Variants in CUL3 observed in about 807,000 individuals in gnomAD.
The protein encoded by CUL3 is cullin 3.
CUL3 carries 19 observed loss-of-function variants against 89.1 expected under a neutral mutation model. The ratio of observed to expected loss-of-function variants is 0.21; its 90% confidence interval spans 0.15 to 0.31. The LOEUF (loss-of-function observed/expected upper bound fraction) is 0.31, where lower values mean the gene tolerates loss of function less well. Ranked by LOEUF, CUL3 falls within the 10% of genes least tolerant of loss-of-function variation. The probability of loss-of-function intolerance (pLI) is 1.00; values close to 1 mark genes in which losing one functional copy is unlikely to be tolerated. For missense variants in CUL3, 469 were observed against 942.3 expected, an observed-to-expected ratio of 0.50 and a Z score of 6.58; for synonymous variants, 351 against 308.4, an observed-to-expected ratio of 1.14 and a Z score of -1.45.
At chr2:224,578,386 A>C (rs1397666723) in intron 1 of CUL3, among the ~76,000 whole-genome samples, 1 of 152,186 alleles carries the variant, frequency 6.6e-6, no homozygotes, top group Non-Finnish European at 1.5e-5. Context: ...CTGTCTGTTC[A>C]GCCAACAATA....
At chr2:224,584,919 T>C (rs2106331208) in intron 1 of CUL3, 25 bp downstream of exon 1, 2 of 1,450,896 alleles carry the variant, frequency 1.4e-6, no homozygotes, top group Non-Finnish European at 1.8e-6. Flanking sequence ...GGCCCCGGGG[T>C]CCCGGACGCC....
At chr2:224,559,027 G>A (rs1694820323) in intron 1 of CUL3, among the ~76,000 whole-genome samples, 1 of 151,818 alleles carries the variant, frequency 6.6e-6, no homozygotes, top group Non-Finnish European at 1.5e-5. Flanking sequence ...CTGCACTCCA[G>A]CCTGGGCAAC....
At chr2:224,533,177 A>C (rs1693757046) in intron 3 of CUL3, 1 of 152,252 alleles carries the variant, frequency 6.6e-6, no homozygotes, top group South Asian at 2.1e-4. Context: ...CAGTGGCATC[A>C]ATCTACCCTG....
At position 224,506,079 on chromosome 2, in the gene CUL3, G is replaced by C; in HGVS notation, c.1083C>G (p.Asn361Lys). ...TAGTTTGTTTAAAGAGACGGTCATTGTTGAATGATTCCAGGAGGAAGCGAT... is the reference window on the plus strand; with the variant it reads ...TAGTTTGTTTAAAGAGACGGTCATTCTTGAATGATTCCAGGAGGAAGCGAT... ...RFDRFLLESF[N>K]NDRLFKQTIA... Residue 361 changes from asparagine (N) to lysine (K), a missense_variant, in exon 8 of 16, where the codon AAC becomes AAG. Asn to Lys is a moderately conservative substitution (Grantham distance 94, BLOSUM62 0). Around this residue, in one of 4 missense-constraint regions of CUL3, gnomAD observed 370 missense variants for 733.2 expected, o/e 0.50. Transcript: ENST00000264414. The C allele has an allele frequency of 2.5e-6, 4 of 1,612,578 alleles. No homozygotes were observed. The highest frequency in any genetic ancestry group is 3.4e-6 in the Non-Finnish European group (4 of 1,179,184).
At chr2:224,517,492 G>A (rs1244946648) in intron 3 of CUL3, among the ~76,000 whole-genome samples, 2 of 152,112 alleles carry the variant, frequency 1.3e-5, no homozygotes, top group East Asian at 1.9e-4. Flanking sequence ...GGCCAATATG[G>A]TGAAACCCTG....
chr2:224,478,200 C>T lies in CUL3; in HGVS notation c.2175G>A (p.Glu725=), dbSNP rs1223201430. ...KKMQHNVLVA[E]VTQQLKARFL... ...TAGCCCAGTAGTGAAGAGTCCTCAC[C>T]TCCGCTACTAGAACATTGTGCTGCA... Residue 725 remains glutamate (E), a splice_region_variant and synonymous_variant, in exon 15 of 16, where the codon GAG becomes GAA. Transcript: ENST00000264414. 24 of 1,610,268 alleles carry T rather than the reference C, an allele frequency of 1.5e-5. No homozygotes were observed. The highest frequency in any genetic ancestry group is 4.0e-5 in the African/African-American group (3 of 74,962).
At chr2:224,488,814 G>T (rs905104234) in intron 13 of CUL3, among the ~76,000 whole-genome samples, 3 of 152,152 alleles carry the variant, frequency 2.0e-5, no homozygotes, top group Non-Finnish European at 2.9e-5. Context: ...AACAAAAAAA[G>T]AAAATTTCAG....
intron 15 of CUL3, 148 bp downstream of exon 15, chr2:224,478,052 T>A: frequency 1.5e-6 from 1 of 679,308 alleles, no homozygotes; most frequent in Middle Eastern, 4.0e-4. Context: ...CCATGTTTAG[T>A]TACCAAGTGA....
intron 14 of CUL3, among the ~76,000 whole-genome samples, chr2:224,480,601 A>G (rs1691503746): frequency 6.6e-6 from 1 of 152,194 alleles, no homozygotes; most frequent in South Asian, 2.1e-4. Context: ...CATAATACTA[A>G]TATCTGATAT....
intron 10 of CUL3, among the ~76,000 whole-genome samples, chr2:224,501,052 T>A (rs575462898): frequency 1.9e-4 from 29 of 152,322 alleles, no homozygotes; most frequent in African/African-American, 5.8e-4. Flanking sequence ...TTTTGGCACA[T>A]AAATCAAGTC....
chr2:224,491,196 A>C (rs1197783269), intron 13 of CUL3, among the ~76,000 whole-genome samples: 2 of 152,170 alleles, frequency 1.3e-5, no homozygotes, highest in East Asian at 1.9e-4. Flanking sequence ...TTCATTTCAG[A>C]TTTCCTTGAA....
At chr2:224,548,987 A>G (rs780149087) in intron 2 of CUL3, among the ~76,000 whole-genome samples, 4 of 151,690 alleles carry the variant, frequency 2.6e-5, no homozygotes, top group African/African-American at 9.7e-5. Context: ...GGGAAACACA[A>G]TAAGGCCTGG....
intron 1 of CUL3, among the ~76,000 whole-genome samples, chr2:224,576,758 A>G (rs140507442): frequency 6.6e-6 from 1 of 152,196 alleles, no homozygotes; most frequent in Non-Finnish European, 1.5e-5. Context: ...ATGTGTTTTT[A>G]GATGCACATT....
intron 2 of CUL3, among the ~76,000 whole-genome samples, chr2:224,551,075 T>A (rs1694495935): frequency 6.6e-6 from 1 of 152,062 alleles, no homozygotes; most frequent in Non-Finnish European, 1.5e-5. Context: ...CAGCTTTTTT[T>A]TTTTTTTTAA....
chr2:224,558,859 G>GTGAAACCCC (rs1559223186), intron 1 of CUL3, among the ~76,000 whole-genome samples: 3 of 150,076 alleles, frequency 2.0e-5, no homozygotes, highest in East Asian at 2.0e-4. Flanking sequence ...TGGCTAATAC[G>GTGAAACCCC]GTCTCTACTA....
chr2:224,506,178 CA>C (rs750522993), intron 7 of CUL3, 46 bp from the exon 8 acceptor site: 9 of 1,313,344 alleles, frequency 6.9e-6, no homozygotes, highest in Admixed American at 2.4e-5. Flanking sequence ...ATAATTTTTC[CA>C]TAAATAATAC....
chr2:224,536,238 G>A (rs769885037), intron 2 of CUL3, among the ~76,000 whole-genome samples: 7 of 152,126 alleles, frequency 4.6e-5, no homozygotes, highest in Non-Finnish European at 1.0e-4. Context: ...AAACTACTCA[G>A]TACACTTCAG....
intron 2 of CUL3, among the ~76,000 whole-genome samples, chr2:224,546,951 C>T (rs1462108603): frequency 6.6e-6 from 1 of 152,054 alleles, no homozygotes; most frequent in East Asian, 1.9e-4. Context: ...GGTCACTATC[C>T]CCATATCATA....
At chr2:224,530,527 C>T (rs1280453138) in intron 3 of CUL3, among the ~76,000 whole-genome samples, 1 of 152,046 alleles carries the variant, frequency 6.6e-6, no homozygotes, top group African/African-American at 2.4e-5. Context: ...AATGAGGTAT[C>T]GGTTAGAGAG....
Sources: allele counts gnomAD v4.1 joint callset (sites outside exome capture counted in the v4.1 genomes callset), GRCh38; gene constraint gnomAD v4.1.1; regional missense constraint gnomAD v4.1.1; transcripts MANE v1.5; gene names NCBI Gene and HGNC (gene_info 2026-07-23, HGNC 2026-07-21).